Variants in MYO3B observed in about 807,000 individuals in gnomAD.
MYO3B encodes the protein myosin IIIB.
Under a neutral mutation model 174.6 loss-of-function variants are expected in MYO3B, and 156 were observed. The observed-to-expected ratio is 0.89, with a 90% CI of 0.78 to 1.02. MYO3B has a LOEUF of 1.02. MYO3B is among the 50% of genes least tolerant of loss of function. The pLI is 0.00. For missense variants in MYO3B, 1,632 were observed against 1,639.4 expected (o/e 1.00, Z 0.08); for synonymous variants, 563 against 569.1 (o/e 0.99, Z 0.15).
At chr2:170,459,730 G>A (rs1684140239) in intron 23 of MYO3B, among the ~76,000 whole-genome samples, 1 of 152,202 alleles carries the variant, frequency 6.6e-6, no homozygotes, top group African/African-American at 2.4e-5. Context: ...GAACCCACTG[G>A]GGGTGGGGGG....
chr2:170,597,548 C>A (rs1694234317), intron 32 of MYO3B, among the ~76,000 whole-genome samples: 1 of 152,066 alleles, frequency 6.6e-6, no homozygotes, highest in South Asian at 2.1e-4. Context: ...GTTCTCAACC[C>A]TCCCATCAAT....
In MYO3B at chr2:170,407,775, G is replaced by A. The variant is rs969219284; in HGVS notation, c.2581G>A (p.Val861Ile). Residue 861 changes from valine (V) to isoleucine (I), a missense_variant, in exon 22 of 35, where the codon GTT becomes ATT. Transcript: ENST00000408978. Reference protein sequence around the residue: ...KNRDTLPADVVVVLRTSENKL... With the variant: ...KNRDTLPADVIVVLRTSENKL... ...TAGAGACACTCTCCCTGCCGATGTG[G>A]TTGTGGTCCTGAGAACGTCAGAAAA... 9.9e-6 allele frequency: 16 copies of A among 1,614,010 alleles called. No homozygotes were observed. The African/African-American group carries it at 1.2e-4, about 12-fold the overall frequency.
At chr2:170,232,722 A>G (rs1379546479) in intron 6 of MYO3B, among the ~76,000 whole-genome samples, 1 of 152,242 alleles carries the variant, frequency 6.6e-6, no homozygotes, top group East Asian at 1.9e-4. Context: ...TTGCCAAATT[A>G]TTATGAAGAT....
At chr2:170,613,948 A>G (rs1327261183) in intron 32 of MYO3B, among the ~76,000 whole-genome samples, 1 of 151,778 alleles carries the variant, frequency 6.6e-6, no homozygotes, top group African/African-American at 2.4e-5. Context: ...TACTTAATAA[A>G]CTCCTCTTAA....
intron 8 of MYO3B, among the ~76,000 whole-genome samples, chr2:170,352,583 G>C (rs1377137784): frequency 6.6e-6 from 1 of 152,144 alleles, no homozygotes; most frequent in African/African-American, 2.4e-5. Flanking sequence ...TGTTTAAACT[G>C]GCTGGTTGCG....
intron 22 of MYO3B, among the ~76,000 whole-genome samples, chr2:170,415,192 T>C (rs1251186943): frequency 6.6e-6 from 1 of 152,258 alleles, no homozygotes; most frequent in Non-Finnish European, 1.5e-5. Context: ...AAACATTAAG[T>C]ATGATGTTAG....
At chr2:170,310,284 C>T (rs1040513912) in intron 7 of MYO3B, among the ~76,000 whole-genome samples, 1 of 152,178 alleles carries the variant, frequency 6.6e-6, no homozygotes, top group African/African-American at 2.4e-5. Context: ...TCAGGAAGTC[C>T]TGAGAATCTG....
chr2:170,410,592 G>GAAAAAAAAAAAAAAAAAAAAAAA (rs59296953), intron 22 of MYO3B, among the ~76,000 whole-genome samples: 3 of 112,530 alleles, frequency 2.7e-5, no homozygotes, highest in Non-Finnish European at 3.6e-5. Flanking sequence ...CAAAAAAAAA[G>GAAAAAAAAAAAAAAAAAAAAAAA]AAAAAAAAAA....
chr2:170,377,638 G>C (rs1026028539), intron 9 of MYO3B, among the ~76,000 whole-genome samples: 4 of 152,170 alleles, frequency 2.6e-5, no homozygotes, highest in African/African-American at 9.7e-5. Flanking sequence ...CCAGGAACCA[G>C]TCCAAGCCAA....
At chr2:170,630,264 T>G (rs1241088079) in intron 32 of MYO3B, among the ~76,000 whole-genome samples, 1 of 152,182 alleles carries the variant, frequency 6.6e-6, no homozygotes, top group Admixed American at 6.5e-5. Flanking sequence ...ATCCTGCACT[T>G]GGCGCAGTGG....
chr2:170,497,625 A>AC lies in MYO3B; in HGVS notation c.3015-967_3015-966insC, dbSNP rs1244987285. Among the ~76,000 whole-genome samples, 5 of 151,526 alleles carry AC rather than the reference A, an allele frequency of 3.3e-5. No individual in the cohort carries two copies. The East Asian group carries it at 9.7e-4, about 29-fold the overall frequency. On this transcript the variant is annotated intron_variant, in intron 25 of 34. Coordinates refer to ENST00000408978, the MANE Select transcript of MYO3B (RefSeq NM_138995.5). The stretch of plus-strand genomic sequence containing the variant: ...AGAGCGAGACTCAGTCTCAAAAAAA[A>AC]AAGAAATACACAAGTCTAATTGTTT...
chr2:170,470,360 CT>C (rs1209228076), intron 25 of MYO3B, among the ~76,000 whole-genome samples: 5 of 152,186 alleles, frequency 3.3e-5, no homozygotes. Context: ...ACAACGTGGC[CT>C]TTTGTGTCTG....
At position 170,392,321 on chromosome 2, in the gene MYO3B, T is replaced by C. The variant is rs2094417652; in HGVS notation, c.1677-60T>C. 6 of 1,202,156 alleles carry C rather than the reference T, an allele frequency of 5.0e-6. No individual in the cohort carries two copies. In the South Asian group the frequency reaches 6.3e-5, roughly 13 times the overall value. The allele number at this position is 1,202,156 out of a possible 1,614,324, so 74.5% of individuals were successfully genotyped here. A position where few individuals can be genotyped will look rare whatever the true frequency, so the allele number is the denominator to read the frequency against. On this transcript the variant is annotated intron_variant, in intron 15 of 34. Coordinates refer to ENST00000408978, the MANE Select transcript of MYO3B (RefSeq NM_138995.5). ...ACAAACAACAAACAAAAAATGGAAA[T>C]GCCTGTACTACTTTCCAAGTCAGTG...
At position 170,514,978 on chromosome 2, in the gene MYO3B, G is replaced by T. The variant is rs1252465300; in HGVS notation, c.3428G>T (p.Gly1143Val). The change falls in exon 29 of 35, where the codon GGA becomes GTA. Residue 1143 changes from glycine to valine, a missense_variant. Gly to Val is a moderately radical substitution (Grantham distance 109). Transcript: ENST00000408978. ...PHSPVAAGTR[G>V]SAEVQDCSEP... The stretch of plus-strand genomic sequence containing the variant: ...TCCCCCGTCGCAGCAGGTACGAGGG[G>T]AAGTGCCGAGGTTCAAGACTGCAGC... 6.2e-7 allele frequency: 1 copy of T among 1,614,070 alleles called. No homozygotes were observed. Among genetic ancestry groups the T allele is most frequent in the South Asian group, 1.1e-5 (1 of 91,046 alleles).
intron 8 of MYO3B, among the ~76,000 whole-genome samples, chr2:170,342,671 C>T (rs1221278687): frequency 3.3e-5 from 5 of 152,116 alleles, no homozygotes; most frequent in Non-Finnish European, 7.3e-5. Context: ...ATATATAACT[C>T]TTATGCTAGG....
intron 32 of MYO3B, among the ~76,000 whole-genome samples, chr2:170,577,508 C>T (rs1050516945): frequency 7.9e-5 from 12 of 152,166 alleles, no homozygotes; most frequent in African/African-American, 4.8e-5. Flanking sequence ...CTACCTTGCA[C>T]GTGAAATCTG....
At chr2:170,267,202 C>T (rs1248702503) in intron 7 of MYO3B, among the ~76,000 whole-genome samples, 1 of 152,206 alleles carries the variant, frequency 6.6e-6, no homozygotes, top group Non-Finnish European at 1.5e-5. Flanking sequence ...CCCAGCCTGA[C>T]AGAGGCTCTG....
chr2:170,629,489 T>A (rs536816287), intron 32 of MYO3B, among the ~76,000 whole-genome samples: 1 of 152,330 alleles, frequency 6.6e-6, no homozygotes, highest in East Asian at 1.9e-4. Flanking sequence ...AAATATACCC[T>A]GAATCCTTTT....
Position 170,209,432 on chromosome 2 carries a change from A to G in MYO3B, c.322-4947A>G, listed in dbSNP as rs147793412. ...GTCAAAAAGATAGCTTCAGTTTTCT[A>G]TGAGTTCGGTCCATTTAGTTAACTC... On this transcript the variant is annotated intron_variant, in intron 3 of 34. Transcript: ENST00000408978. Among the ~76,000 whole-genome samples the G allele has an allele frequency of 2.5e-3, 382 of 152,338 alleles. 1 individual carries two copies. Among genetic ancestry groups the G allele is most frequent in the African/African-American group, 8.7e-3 (360 of 41,574 alleles).
Sources: allele counts gnomAD v4.1 joint callset (sites outside exome capture counted in the v4.1 genomes callset), GRCh38; gene constraint gnomAD v4.1.1; transcripts MANE v1.5; gene names NCBI Gene and HGNC (gene_info 2026-07-23, HGNC 2026-07-21).